The following AVEN variants were observed in gnomAD, a reference collection of about 807,000 sequenced individuals.
The protein encoded by AVEN is apoptosis and caspase activation inhibitor, also known as cell death regulator Aven.
Under a neutral mutation model 38.1 loss-of-function variants are expected in AVEN, and 41 were observed. That is an observed-to-expected ratio of 1.08 (90% CI 0.84 to 1.40). The LOEUF (loss-of-function observed/expected upper bound fraction) is 1.40, where lower values mean the gene tolerates loss of function less well. Ranked by LOEUF, AVEN falls within the 40% of genes most tolerant of loss-of-function variation. The pLI is 0.00. For missense variants in AVEN, 605 were observed against 438.8 expected, an observed-to-expected ratio of 1.38 and a Z score of -3.38; for synonymous variants, 206 against 171.8, an observed-to-expected ratio of 1.20 and a Z score of -1.56.
intron 2 of AVEN, among the ~76,000 whole-genome samples, chr15:33,928,390 G>C (rs1330895540): frequency 1.3e-5 from 2 of 152,094 alleles, no homozygotes; most frequent in East Asian, 3.9e-4. Flanking sequence ...AGAAAGCAAG[G>C]GATCAATCTC....
At chr15:33,858,570 T>C (rs1435490675), downstream of AVEN, 2 of 153,704 alleles carry the variant, frequency 1.3e-5, no homozygotes, top group Non-Finnish European at 2.9e-5. Flanking sequence ...GCTTTGATCA[T>C]CGTCTCTCAG....
rs1382103998 is a variant in AVEN, at chr15:34,039,160, A to C, written c.-114T>G. On this transcript the variant is annotated 5_prime_UTR_variant, in exon 1 of 6. Transcript: ENST00000306730. ...CCGCGAGCGAAAGGCGCCCGGTAGC[A>C]GCGAGGCGCGGGGTGCGGGGCTAGG... The C allele has an allele frequency of 5.5e-6, 5 of 914,798 alleles. No homozygotes were observed. The African/African-American group carries it at 9.0e-5, about 16-fold the overall frequency. The allele number at this position is 914,798 out of a possible 1,614,324, so 56.7% of individuals were successfully genotyped here. A position where few individuals can be genotyped will look rare whatever the true frequency, so the allele number is the denominator to read the frequency against.
At chr15:33,985,270 T>C (rs1468721994) in intron 2 of AVEN, among the ~76,000 whole-genome samples, 4 of 146,486 alleles carry the variant, frequency 2.7e-5, no homozygotes, top group Non-Finnish European at 6.0e-5. Flanking sequence ...TCAAACTTCA[T>C]GTTAATTTTT....
At chr15:33,874,186 TTTTA>T (rs1156935624) in intron 3 of AVEN, among the ~76,000 whole-genome samples, 5 of 152,058 alleles carry the variant, frequency 3.3e-5, no homozygotes, top group African/African-American at 7.3e-5. Flanking sequence ...CTCAAGGGCT[TTTTA>T]TTTATTATCT....
chr15:33,892,351 T>C (rs930113787), intron 2 of AVEN, among the ~76,000 whole-genome samples: 2 of 152,272 alleles, frequency 1.3e-5, no homozygotes, highest in Admixed American at 1.3e-4. Context: ...AGGGTTTTTA[T>C]GGTTTTAGGT....
chr15:33,874,632 G>A (rs1199615441), intron 3 of AVEN, among the ~76,000 whole-genome samples: 2 of 152,134 alleles, frequency 1.3e-5, no homozygotes, highest in African/African-American at 4.8e-5. Context: ...AATATCTACT[G>A]AGCATCTACC....
In AVEN at chr15:33,867,492, T is replaced by C. The variant is rs775431878; in HGVS notation, c.973+3A>G. On this transcript the variant is annotated splice_donor_region_variant and intron_variant, in intron 5 of 5. Coordinates refer to ENST00000306730, the MANE Select transcript of AVEN (RefSeq NM_020371.3). ...TTCACGGGGAATAAAATGAAAGCCA[T>C]ACCTTCTTCCTCTTGGACCACCTCC... 1 of 1,560,520 alleles carries C rather than the reference T, an allele frequency of 6.4e-7. No individual in the cohort carries two copies. Among genetic ancestry groups the C allele is most frequent in the Non-Finnish European group, 8.6e-7 (1 of 1,158,010 alleles).
chr15:33,913,485 TTA>T (rs1199397515), intron 2 of AVEN, among the ~76,000 whole-genome samples: 1 of 152,198 alleles, frequency 6.6e-6, no homozygotes, highest in African/African-American at 2.4e-5. Context: ...ACATTCCTAA[TTA>T]TGTTTTGCTT....
intron 2 of AVEN, among the ~76,000 whole-genome samples, chr15:33,956,131 T>C (rs183577736): frequency 2.2e-4 from 34 of 152,330 alleles, no homozygotes; most frequent in Admixed American, 2.2e-3. Context: ...TTTGTAGTTA[T>C]TGCGTGTAGC....
chr15:33,897,344 C>A (rs1370395955), intron 2 of AVEN, among the ~76,000 whole-genome samples: 1 of 152,078 alleles, frequency 6.6e-6, no homozygotes, highest in Non-Finnish European at 1.5e-5. Context: ...ATCGCCCAGG[C>A]TAGAGTGCAG....
downstream of AVEN, among the ~76,000 whole-genome samples, chr15:33,862,348 G>T (rs1888588882): frequency 6.7e-6 from 1 of 148,544 alleles, no homozygotes. Flanking sequence ...AGCTGGGACA[G>T]GTGTACCACT....
At position 34,073,986 on chromosome 15, in the gene AVEN, C is replaced by CTTTTTTTTTTTTTTTTTTTTTTT. The variant is rs1381411256; in HGVS notation, n.720+449_720+450insAAAAAAAAAAAAAAAAAAAAAAA. Among the ~76,000 whole-genome samples the CTTTTTTTTTTTTTTTTTTTTTTT allele has an allele frequency of 1.1e-4, 12 of 112,188 alleles. 1 individual carries two copies. Among genetic ancestry groups the CTTTTTTTTTTTTTTTTTTTTTTT allele is most frequent in the African/African-American group, 3.7e-4 (9 of 24,270 alleles). The allele number at this position is 112,188 out of a possible 152,430, so 73.6% of individuals were successfully genotyped here. On this transcript the variant is annotated intron_variant and non_coding_transcript_variant, in intron 1 of 11. Transcript: ENST00000675287. ...TGGAGGAACTTTCTTTTTTCTTCTT[C>CTTTTTTTTTTTTTTTTTTTTTTT]TTCTTTTTTTTTTTTTTTTTTTTTT...
At chr15:33,857,383 C>G (rs2079800551), downstream of AVEN, among the ~76,000 whole-genome samples, 1 of 151,198 alleles carries the variant, frequency 6.6e-6, no homozygotes, top group South Asian at 2.1e-4. Context: ...TCCTTTTCTT[C>G]TAAGGATGCC....
At chr15:33,887,548 C>G (rs370137520) in intron 2 of AVEN, among the ~76,000 whole-genome samples, 41 of 152,198 alleles carry the variant, frequency 2.7e-4, no homozygotes, top group African/African-American at 9.4e-4. Flanking sequence ...ATTTTTCATA[C>G]ATTTTAGCAC....
chr15:33,993,674 ATC>A (rs1896819590), intron 2 of AVEN, among the ~76,000 whole-genome samples: 1 of 152,164 alleles, frequency 6.6e-6, no homozygotes, highest in Non-Finnish European at 1.5e-5. Flanking sequence ...AATAACAATC[ATC>A]CAGGCCAGGA....
chr15:33,901,149 C>T (rs1024434569), intron 2 of AVEN, among the ~76,000 whole-genome samples: 3 of 152,122 alleles, frequency 2.0e-5, no homozygotes, highest in African/African-American at 7.2e-5. Flanking sequence ...CGCCTGTAGT[C>T]ACAGCTACTT....
At chr15:34,043,753 C>G (rs934639419), upstream of AVEN, among the ~76,000 whole-genome samples, 1 of 152,208 alleles carries the variant, frequency 6.6e-6, no homozygotes, top group African/African-American at 2.4e-5. Context: ...ATCTTCTCCT[C>G]TCTCCTTCCA....
chr15:33,979,253 G>A (rs1478455126), intron 2 of AVEN, among the ~76,000 whole-genome samples: 1 of 152,160 alleles, frequency 6.6e-6, no homozygotes, highest in Non-Finnish European at 1.5e-5. Context: ...CAGGCACGGT[G>A]TCCCATGCCT....
At chr15:34,055,277 C>T (rs548323254) in intron 5 of AVEN, among the ~76,000 whole-genome samples, 3 of 151,716 alleles carry the variant, frequency 2.0e-5, no homozygotes, top group African/African-American at 7.3e-5. Context: ...GTGGGTGGAT[C>T]TCTTGAGGCC....
Sources: gnomAD v4.1 joint callset for allele counts (sites outside exome capture counted in the v4.1 genomes callset) on GRCh38, gnomAD v4.1.1 for gene constraint, MANE v1.5 for transcripts, NCBI Gene and HGNC (gene_info 2026-07-23, HGNC 2026-07-21) for gene names.